SYCP2L: variants seen among roughly 807,000 people sequenced by gnomAD.
The protein encoded by SYCP2L is synaptonemal complex protein 2-like.
Under a neutral mutation model 125.8 loss-of-function variants are expected in SYCP2L, and 98 were observed. The ratio of observed to expected loss-of-function variants is 0.78; its 90% CI spans 0.66 to 0.92. The LOEUF (loss-of-function observed/expected upper bound fraction) is 0.92. Among genes scored for constraint, SYCP2L ranks in the 40% least tolerant of loss-of-function variants. The pLI, the probability that SYCP2L is intolerant of heterozygous loss-of-function variation, is 0.00. For synonymous variants in SYCP2L, 317 were observed against 325.4 expected (o/e 0.97, Z 0.28); for missense variants, 842 against 936.4 (o/e 0.90, Z 1.32).
chr6:10,897,410 CTTT>C (rs5874295), intron 4 of SYCP2L, among the ~76,000 whole-genome samples: 46 of 129,812 alleles, frequency 3.5e-4, no homozygotes, highest in Admixed American at 6.3e-4. Context: ...TCACTTATCT[CTTT>C]TTTTTTTTTT....
At chr6:10,930,278 C>A in intron 18 of SYCP2L, 92 bp from the exon 19 acceptor site, 1 of 1,366,294 alleles carries the variant, frequency 7.3e-7, no homozygotes, top group South Asian at 1.4e-5. Context: ...AAGGGTACTT[C>A]TCTTATCTCT....
At chr6:10,971,499 C>T (rs1024733941) in intron 29 of SYCP2L, among the ~76,000 whole-genome samples, 17 of 150,028 alleles carry the variant, frequency 1.1e-4, no homozygotes, top group Admixed American at 6.6e-5. Context: ...ATAGGAGTTA[C>T]TTTGTGAAAC....
At chr6:10,951,074 A>G (rs774986402) in intron 23 of SYCP2L, among the ~76,000 whole-genome samples, 10 of 152,172 alleles carry the variant, frequency 6.6e-5, no homozygotes, top group Non-Finnish European at 1.2e-4. Context: ...AGTGCCCGGC[A>G]TATAGACACA....
In SYCP2L at chr6:10,956,225, C is replaced by T. The variant is rs555004536; in HGVS notation, c.2146C>T (p.Arg716Trp). 71 of 1,612,992 alleles carry T rather than the reference C, an allele frequency of 4.4e-5. No individual in the cohort carries two copies. Among genetic ancestry groups the T allele is most frequent in the Admixed American group, 3.3e-5 (2 of 59,976 alleles). ...LPTFENFTKK[R>W]KRKYELRYRK... ...AACCTTTGAAAACTTCACTAAAAAA[C>T]GGAAAAGAAAATATGAGGTAGTAGT... Residue 716 changes from arginine to tryptophan, a missense_variant, in exon 25 of 30, where the codon CGG becomes TGG. Coordinates refer to ENST00000283141, the MANE Select transcript of SYCP2L (RefSeq NM_001040274.3).
chr6:10,973,663 C>T (rs1327830597), intron 29 of SYCP2L, among the ~76,000 whole-genome samples: 2 of 152,320 alleles, frequency 1.3e-5, no homozygotes, highest in African/African-American at 4.8e-5. Context: ...TGTCTTATCT[C>T]CAACATCCAA....
At chr6:10,891,296 G>A (rs1433947129) in intron 1 of SYCP2L, among the ~76,000 whole-genome samples, 1 of 151,828 alleles carries the variant, frequency 6.6e-6, no homozygotes, top group Non-Finnish European at 1.5e-5. Context: ...TACTGTATTT[G>A]TCTTAGACCA....
chr6:10,926,820 C>A (rs1486284803), intron 16 of SYCP2L, among the ~76,000 whole-genome samples: 1 of 146,814 alleles, frequency 6.8e-6, no homozygotes, highest in African/African-American at 2.5e-5. Context: ...TGCTCTGTTG[C>A]CCAGGCTGGA....
At chr6:10,924,422 T>G in intron 14 of SYCP2L, 74 bp from the exon 15 acceptor site, 1 of 1,273,974 alleles carries the variant, frequency 7.8e-7, no homozygotes, top group Non-Finnish European at 1.0e-6. Context: ...AGCGTAGTTA[T>G]TTAAAATGAT....
chr6:10,903,634 C>A (rs1780429707), intron 8 of SYCP2L, among the ~76,000 whole-genome samples: 1 of 151,838 alleles, frequency 6.6e-6, no homozygotes, highest in Admixed American at 6.6e-5. Context: ...ACCTATAGTC[C>A]CAGCTATTCA....
At chr6:10,969,507 C>T (rs1164249836) in intron 29 of SYCP2L, among the ~76,000 whole-genome samples, 1 of 151,660 alleles carries the variant, frequency 6.6e-6, no homozygotes, top group East Asian at 1.9e-4. Context: ...ACTACAGGCG[C>T]CCGCCACCAC....
chr6:10,941,287 C>A (rs985465274), intron 21 of SYCP2L, among the ~76,000 whole-genome samples: 1 of 152,060 alleles, frequency 6.6e-6, no homozygotes, highest in Non-Finnish European at 1.5e-5. Context: ...GCAACAAAAG[C>A]CAAAATTGAC....
intron 1 of SYCP2L, among the ~76,000 whole-genome samples, chr6:10,888,609 C>A (rs1367946293): frequency 6.6e-6 from 1 of 152,050 alleles, no homozygotes; most frequent in East Asian, 1.9e-4. Flanking sequence ...AAGTACTGAC[C>A]ACCAAGGCCA....
intron 23 of SYCP2L, among the ~76,000 whole-genome samples, chr6:10,949,936 TC>T (rs544356029): frequency 4.7e-4 from 71 of 152,288 alleles, no homozygotes; most frequent in Admixed American, 3.8e-3. Flanking sequence ...ATTCTTTCTG[TC>T]CTTGCCTTCA....
At chr6:10,961,681 G>A in intron 28 of SYCP2L, 123 bp downstream of exon 28, 1 of 950,792 alleles carries the variant, frequency 1.1e-6, no homozygotes, top group South Asian at 1.5e-5. Context: ...TGCATCTTTT[G>A]AACCGGCCAC....
At chr6:10,928,225 A>G (rs1272798297) in intron 17 of SYCP2L, among the ~76,000 whole-genome samples, 178 bp from the exon 18 acceptor site, 2 of 151,820 alleles carry the variant, frequency 1.3e-5, no homozygotes, top group African/African-American at 4.8e-5. Flanking sequence ...TACCCTTGTG[A>G]TACAAGGGTA....
At chr6:10,939,585 C>G (rs529334606) in intron 21 of SYCP2L, among the ~76,000 whole-genome samples, 3 of 152,130 alleles carry the variant, frequency 2.0e-5, no homozygotes, top group Non-Finnish European at 1.5e-5. Flanking sequence ...TATATGGCCA[C>G]TTAATCTTTG....
At chr6:10,921,155 G>A (rs1780794227) in intron 14 of SYCP2L, among the ~76,000 whole-genome samples, 1 of 152,134 alleles carries the variant, frequency 6.6e-6, no homozygotes, top group South Asian at 2.1e-4. Flanking sequence ...TCCTGTGTTA[G>A]TTTGCTGTGG....
At chr6:10,887,618 G>A (rs975905945) in intron 1 of SYCP2L, among the ~76,000 whole-genome samples, 1 of 152,000 alleles carries the variant, frequency 6.6e-6, no homozygotes, top group African/African-American at 2.4e-5. Flanking sequence ...ACCCAGGGAC[G>A]CCAAAAACAA....
rs185683715 is a variant in SYCP2L at position 10,901,854 on chromosome 6, T to C, written c.467-823T>C. 3.4e-3 allele frequency among the ~76,000 whole-genome samples: 513 copies of C among 152,378 alleles called. 3 individuals are homozygous for C. Among genetic ancestry groups the C allele is most frequent in the Non-Finnish European group, 6.0e-3 (407 of 68,042 alleles). On this transcript the variant is annotated intron_variant, in intron 6 of 29. Transcript: ENST00000283141. ...GTGGGCAGTTTGGAAATAGCGTGGC[T>C]CCGCCCCATTTCTCTGCAGCCCAAA... is the stretch of plus-strand genomic sequence containing the variant.
Sources: allele counts gnomAD v4.1 joint callset (sites outside exome capture counted in the v4.1 genomes callset), GRCh38; gene constraint gnomAD v4.1.1; transcripts MANE v1.5; gene names NCBI Gene and HGNC (gene_info 2026-07-23, HGNC 2026-07-21).